Variants in ZNF717 observed in about 807,000 individuals in gnomAD.
The protein encoded by ZNF717 is krueppel-like factor X17.
In ZNF717, 9 loss-of-function variants were observed where a neutral mutation model predicts 13.8. The observed-to-expected ratio is 0.65, with a 90% CI of 0.39 to 1.14. ZNF717 has a LOEUF of 1.14. Ranked by LOEUF, ZNF717 falls within the 50% of genes most tolerant of loss-of-function variation. ZNF717 has a pLI of 0.01. For synonymous variants in ZNF717, 327 were observed against 364.1 expected (o/e 0.90, Z 1.16); for missense variants, 1,040 against 1,080.7 (o/e 0.96, Z 0.53).
intron 2 of ZNF717, among the ~76,000 whole-genome samples, chr3:75,780,226 T>C (rs1944705730): frequency 6.6e-6 from 1 of 150,670 alleles, no homozygotes; most frequent in Non-Finnish European, 1.5e-5. Context: ...CCCAAAACAA[T>C]GGGAGTGACG....
chr3:75,773,450 G>A (rs1944050893), intron 2 of ZNF717, among the ~76,000 whole-genome samples: 1 of 152,208 alleles, frequency 6.6e-6, no homozygotes, highest in South Asian at 2.1e-4. Context: ...ATCTAGGGAT[G>A]CCTATTAATA....
downstream of ZNF717, among the ~76,000 whole-genome samples, chr3:75,733,881 A>G (rs867659251): frequency 7.0e-6 from 1 of 143,116 alleles, no homozygotes; most frequent in African/African-American, 2.6e-5. Flanking sequence ...AAAAAAAAAA[A>G]CCATCAACTA....
intron 6 of ZNF717, among the ~76,000 whole-genome samples, chr3:75,697,419 C>T (rs1937615355): frequency 6.6e-6 from 1 of 152,302 alleles, no homozygotes; most frequent in Non-Finnish European, 1.5e-5. Context: ...TGGCTTAGCA[C>T]CATCCCATTT....
chr3:75,706,365 G>T (rs1937802770), downstream of ZNF717, among the ~76,000 whole-genome samples: 1 of 152,142 alleles, frequency 6.6e-6, no homozygotes, highest in African/African-American at 2.4e-5. Flanking sequence ...TAGGCTTCCA[G>T]ACTCCCATGG....
At chr3:75,773,169 T>TG (rs1183099000) in intron 2 of ZNF717, among the ~76,000 whole-genome samples, 1 of 152,164 alleles carries the variant, frequency 6.6e-6, no homozygotes, top group Non-Finnish European at 1.5e-5. Flanking sequence ...TCTACCCCAT[T>TG]GTTTCATTTT....
chr3:75,762,355 C>T (rs1161632833), intron 2 of ZNF717, among the ~76,000 whole-genome samples: 5 of 148,006 alleles, frequency 3.4e-5, no homozygotes, highest in East Asian at 2.0e-4. Context: ...GTTGGAGAAT[C>T]GCTTGAATAA....
chr3:75,755,115 A>G (rs1942353896), intron 2 of ZNF717, among the ~76,000 whole-genome samples: 2 of 152,330 alleles, frequency 1.3e-5, no homozygotes, highest in African/African-American at 4.8e-5. Flanking sequence ...TTCAAAAGTG[A>G]AGGAGAATTA....
intron 2 of ZNF717, among the ~76,000 whole-genome samples, chr3:75,753,424 T>A (rs75746623): frequency 3.4e-3 from 213 of 61,866 alleles, no homozygotes; most frequent in Middle Eastern, 0.034. Flanking sequence ...ATAGGATTCC[T>A]GAACACTGCT....
At chr3:75,729,615 CAAAAAAAAA>C (rs369485280), downstream of ZNF717, among the ~76,000 whole-genome samples, 1 of 115,548 alleles carries the variant, frequency 8.7e-6, no homozygotes, top group African/African-American at 3.7e-5. Context: ...AACTCCATAT[CAAAAAAAAA>C]AAAAAAAAAA....
At chr3:75,767,510 G>A (rs551078127) in intron 2 of ZNF717, among the ~76,000 whole-genome samples, 2 of 152,388 alleles carry the variant, frequency 1.3e-5, no homozygotes, top group South Asian at 4.1e-4. Flanking sequence ...CTGTGAGGCT[G>A]AGCTGTAACT....
chr3:75,715,533 T>C (rs1204622827), intron 5 of ZNF717, among the ~76,000 whole-genome samples: 2 of 152,256 alleles, frequency 1.3e-5, no homozygotes, highest in African/African-American at 4.8e-5. Flanking sequence ...TAACTTCTAA[T>C]TAAGTATTCT....
At chr3:75,754,314 G>A (rs1304340363) in intron 2 of ZNF717, among the ~76,000 whole-genome samples, 1 of 151,856 alleles carries the variant, frequency 6.6e-6, no homozygotes, top group Non-Finnish European at 1.5e-5. Context: ...TTCATGCCTG[G>A]AATTATGGGG....
rs1404763791 is a variant in ZNF717 at position 75,738,803 on chromosome 3, G to A, written c.820C>T (p.Gln274Ter). 9.7e-6 allele frequency: 15 copies of A among 1,552,524 alleles called. No individual in the cohort carries two copies. Among genetic ancestry groups the A allele is most frequent in the Non-Finnish European group, 1.3e-5 (15 of 1,147,678 alleles). The change falls in exon 5 of 5, where the codon CAG becomes TAG. Residue 274 changes from glutamine to a stop codon, truncating the protein, a stop_gained. Transcript: ENST00000652011. LOFTEE classifies it low-confidence loss of function (END_TRUNC). ...CCRKSDFTKH[Q>*]QTHTGEKPYE... ...GGTTTCTCTCCTGTGTGTGTCTGCT[G>A]ATGTTTAGTGAAGTCAGACTTTCTA...
downstream of ZNF717, among the ~76,000 whole-genome samples, chr3:75,705,258 C>T (rs76930164): frequency 3.3e-5 from 5 of 152,376 alleles, no homozygotes; most frequent in South Asian, 2.1e-4. Flanking sequence ...TTTCCCCGTT[C>T]GATCTGACTC....
intron 2 of ZNF717, among the ~76,000 whole-genome samples, chr3:75,776,792 G>A (rs555036066): frequency 2.0e-3 from 307 of 151,654 alleles, no homozygotes; most frequent in African/African-American, 6.0e-3. Flanking sequence ...ATCACAGTTC[G>A]AGGCTTCTCT....
At position 75,746,838 on chromosome 3, in the gene ZNF717, CTT is replaced by C. The variant is rs368103234; in HGVS notation, c.58-5104_58-5103del. Among the ~76,000 whole-genome samples, 1,126 of 152,186 alleles carry C rather than the reference CTT, an allele frequency of 7.4e-3. 9 individuals carry two copies. The highest frequency in any genetic ancestry group is 0.025 in the African/African-American group (1,018 of 41,530). On this transcript the variant is annotated intron_variant, in intron 2 of 4. Coordinates refer to ENST00000652011, the MANE Select transcript of ZNF717 (RefSeq NM_001290208.3). The stretch of plus-strand genomic sequence containing the variant: ...GTAGGCTGCCTGTTCACTCTGATGT[CTT>C]TTGCTGAGCAAAAGCTCGTTAGTTT...
exon 6 of ZNF717, chr3:75,730,381 T>G: frequency 2.4e-6 from 1 of 421,072 alleles, no homozygotes; most frequent in Non-Finnish European, 4.2e-6. Flanking sequence ...AAACAGGATT[T>G]GATGTCAATT....
intron 2 of ZNF717, among the ~76,000 whole-genome samples, chr3:75,773,248 C>T (rs191608315): frequency 6.6e-6 from 1 of 152,304 alleles, no homozygotes; most frequent in East Asian, 1.9e-4. Context: ...GGAGTAAAGC[C>T]AATATTTTAG....
downstream of ZNF717, among the ~76,000 whole-genome samples, chr3:75,735,014 A>T (rs1938988529): frequency 6.6e-6 from 1 of 151,704 alleles, no homozygotes; most frequent in Non-Finnish European, 1.5e-5. Context: ...TTTAGTAAAG[A>T]TGGGGTTTCA....
Sources: gnomAD v4.1 joint callset for allele counts (sites outside exome capture counted in the v4.1 genomes callset) on GRCh38, gnomAD v4.1.1 for gene constraint, MANE v1.5 for transcripts, NCBI Gene and HGNC (gene_info 2026-07-23, HGNC 2026-07-21) for gene names.